The following EPS15 variants were observed in gnomAD, a reference collection of about 807,000 sequenced individuals.
EPS15 encodes the protein epidermal growth factor receptor substrate 15.
In EPS15, 72 loss-of-function variants were observed where a neutral mutation model predicts 113.8. The observed-to-expected ratio is 0.63, with a 90% CI of 0.52 to 0.77. The LOEUF is 0.77. Among genes scored for constraint, EPS15 ranks in the 30% least tolerant of loss-of-function variants. The probability of loss-of-function intolerance (pLI) is 0.00; values close to 1 mark genes in which losing one functional copy is unlikely to be tolerated. For synonymous variants in EPS15, 344 were observed against 363.4 expected, an observed-to-expected ratio of 0.95 and a Z score of 0.61; for missense variants, 1,048 against 1,045.8, an observed-to-expected ratio of 1.00 and a Z score of -0.03.
At chr1:51,519,010 A>AG (rs528511840) in intron 1 of EPS15, among the ~76,000 whole-genome samples, 189 bp downstream of exon 1, 26 of 151,178 alleles carry the variant, frequency 1.7e-4, no homozygotes, top group South Asian at 4.2e-4. Context: ...CGGCGGCCGC[A>AG]GGGGGGCTCC....
chr1:51,462,397 G>A (rs1373236068), intron 7 of EPS15, among the ~76,000 whole-genome samples: 2 of 151,550 alleles, frequency 1.3e-5, no homozygotes, highest in East Asian at 1.9e-4. Context: ...AAGGGCAAGA[G>A]GTTTAAAGAG....
At position 51,490,345 on chromosome 1, in the gene EPS15, C is replaced by T. The variant is rs555605452; in HGVS notation, c.34-9031G>A. The T allele has an allele frequency of 4.1e-5, 18 of 436,518 alleles. No individual in the cohort carries two copies. The East Asian group carries it at 1.4e-3, about 34-fold the overall frequency. 27.0% of individuals were successfully genotyped at this position (436,518 alleles called of 1,614,324 possible). ...CTCTGGGCGGCCAAAGCGGGCAAATCACGAGGTCAGGAGTTCAAGACCAGC... is the reference window on the plus strand; with the variant it reads ...CTCTGGGCGGCCAAAGCGGGCAAATTACGAGGTCAGGAGTTCAAGACCAGC... On this transcript the variant is annotated intron_variant, in intron 1 of 24. Transcript: ENST00000371733.
chr1:51,503,639 C>A (rs1430010696), intron 1 of EPS15, among the ~76,000 whole-genome samples: 1 of 151,826 alleles, frequency 6.6e-6, no homozygotes, highest in Admixed American at 6.6e-5. Flanking sequence ...TGAACAACAA[C>A]AAAAAATAAA....
intron 16 of EPS15, 92 bp downstream of exon 16, chr1:51,405,813 A>G (rs1436908964): frequency 9.6e-7 from 1 of 1,039,426 alleles, no homozygotes; most frequent in Admixed American, 1.8e-5. Flanking sequence ...CAGATGAGGC[A>G]AGGCCATGTA....
chr1:51,416,957 T>A (rs908164491), intron 13 of EPS15, among the ~76,000 whole-genome samples: 4 of 151,886 alleles, frequency 2.6e-5, no homozygotes, highest in African/African-American at 9.7e-5. Context: ...GGACTATTCT[T>A]AACATTAAAA....
chr1:51,471,625 C>A, intron 4 of EPS15, 65 bp downstream of exon 4: 4 of 1,288,866 alleles, frequency 3.1e-6, no homozygotes, highest in Non-Finnish European at 4.5e-6. Context: ...TACAAGAAAA[C>A]CCTGCTGGCT....
chr1:51,409,590 T>G lies in EPS15; in HGVS notation c.1220A>C (p.Gln407Pro). The G allele has an allele frequency of 1.9e-6, 3 of 1,614,046 alleles. No individual in the cohort carries two copies. Among genetic ancestry groups the G allele is most frequent in the Non-Finnish European group, 2.5e-6 (3 of 1,179,966 alleles). Residue 407 changes from glutamine to proline, a missense_variant, in exon 14 of 25, where the codon CAG (glutamine) becomes CCG (proline). Gln to Pro is a moderately conservative substitution (Grantham distance 76). Transcript: ENST00000371733. ...GACTTCCTTGAGTTGCTCCTCCAGCTGGGCTTTCTGCTCATCCAGTTCATC... is the reference window on the plus strand; with the variant it reads ...GACTTCCTTGAGTTGCTCCTCCAGCGGGGCTTTCTGCTCATCCAGTTCATC... ...LLDELDEQKAQLEEQLKEVRK... is the reference protein window; with the variant it reads ...LLDELDEQKAPLEEQLKEVRK...
At chr1:51,498,496 T>C (rs972670999) in intron 1 of EPS15, among the ~76,000 whole-genome samples, 1 of 152,208 alleles carries the variant, frequency 6.6e-6, no homozygotes, top group Non-Finnish European at 1.5e-5. Context: ...TAAAACATGC[T>C]TTGTATTAGA....
rs530040321 is a variant in EPS15 at position 51,493,171 on chromosome 1, C to G, written c.34-11857G>C. On this transcript the variant is annotated intron_variant, in intron 1 of 24. Coordinates refer to ENST00000371733, the MANE Select transcript of EPS15 (RefSeq NM_001981.3). ...GGTCAGGAGATTGAAACCATCCTGG[C>G]TAACATGGTGAAACCCCATCTCTAC... 8.1e-4 allele frequency among the ~76,000 whole-genome samples: 124 copies of G among 152,346 alleles called. 1 individual carries two copies. The highest frequency in any genetic ancestry group is 2.9e-3 in the African/African-American group (121 of 41,588).
At chr1:51,505,767 C>A (rs1053500452) in intron 1 of EPS15, among the ~76,000 whole-genome samples, 41 of 151,894 alleles carry the variant, frequency 2.7e-4, no homozygotes, top group African/African-American at 9.7e-4. Context: ...TAAAAGTAAA[C>A]AATGTTTAAA....
At chr1:51,466,438 A>G (rs1380013250) in intron 5 of EPS15, among the ~76,000 whole-genome samples, 1 of 151,790 alleles carries the variant, frequency 6.6e-6, no homozygotes. Flanking sequence ...CCTGGCCAAC[A>G]TGGTGAAAAA....
chr1:51,426,505 C>T (rs1410933225), intron 12 of EPS15, among the ~76,000 whole-genome samples: 1 of 150,644 alleles, frequency 6.6e-6, no homozygotes, highest in South Asian at 2.1e-4. Flanking sequence ...GGCTAGGCCA[C>T]AGTACCCAGA....
At chr1:51,377,268 C>T (rs1197107020) in intron 21 of EPS15, among the ~76,000 whole-genome samples, 2 of 151,992 alleles carry the variant, frequency 1.3e-5, no homozygotes, top group Non-Finnish European at 2.9e-5. Context: ...CCGTCTCAAA[C>T]AAAACAAAAC....
intron 1 of EPS15, among the ~76,000 whole-genome samples, chr1:51,502,419 G>A (rs955787935): frequency 1.3e-5 from 2 of 151,874 alleles, no homozygotes; most frequent in Non-Finnish European, 2.9e-5. Flanking sequence ...TTATACATAC[G>A]TATGCTTCAG....
intron 21 of EPS15, among the ~76,000 whole-genome samples, chr1:51,382,813 A>C (rs1646972571): frequency 2.0e-5 from 3 of 152,202 alleles, no homozygotes; most frequent in Non-Finnish European, 4.4e-5. Context: ...CAAACATTTA[A>C]AGTATAATCA....
chr1:51,457,461 T>C (rs1423591788), intron 8 of EPS15: 1 of 150,492 alleles, frequency 6.6e-6, no homozygotes, highest in African/African-American at 2.4e-5. Context: ...CTACCCAAAA[T>C]GCTTGGGACC....
intron 16 of EPS15, among the ~76,000 whole-genome samples, chr1:51,405,635 T>C (rs548499713): frequency 1.0e-3 from 158 of 151,894 alleles, no homozygotes; most frequent in Non-Finnish European, 1.7e-3. Context: ...GAGACGGAGG[T>C]TGCAGTAAGC....
At chr1:51,488,242 C>T (rs1644160685) in intron 1 of EPS15, among the ~76,000 whole-genome samples, 1 of 151,458 alleles carries the variant, frequency 6.6e-6, no homozygotes, top group Non-Finnish European at 1.5e-5. Context: ...TAAAGGAAAA[C>T]TTTAACTCCA....
chr1:51,415,796 C>CAAAAA lies in EPS15; in HGVS notation c.1113+5985_1113+5989dup, dbSNP rs55806131. Among the ~76,000 whole-genome samples, 27 of 21,964 alleles carry CAAAAA rather than the reference C, an allele frequency of 1.2e-3. 1 individual carries two copies. Among genetic ancestry groups the CAAAAA allele is most frequent in the East Asian group, 1.6e-3 (1 of 636 alleles). The allele number at this position is 21,964 out of a possible 152,430, so 14.4% of individuals were successfully genotyped here. Reference sequence around the variant, plus strand: ...GGGCAACAAGAGCAAAACTCCGTCTCAAAAAAAAAAAAAAAAAAAAAAAAA... The same window carrying CAAAAA: ...GGGCAACAAGAGCAAAACTCCGTCTCAAAAAAAAAAAAAAAAAAAAAAAAAAAAAA... On this transcript the variant is annotated intron_variant, in intron 13 of 24. Transcript: ENST00000371733.
Sources: gnomAD v4.1 joint callset for allele counts (sites outside exome capture counted in the v4.1 genomes callset) on GRCh38, gnomAD v4.1.1 for gene constraint, MANE v1.5 for transcripts, NCBI Gene and HGNC (gene_info 2026-07-23, HGNC 2026-07-21) for gene names.